Variants in CSMD1 observed in about 807,000 individuals in gnomAD.
CSMD1 encodes the protein CUB and sushi domain-containing protein 1.
Under a neutral mutation model 417.5 loss-of-function variants are expected in CSMD1, and 213 were observed. The observed-to-expected ratio is 0.51, with a 90% CI of 0.46 to 0.57. The LOEUF is 0.57. Among genes scored for constraint, CSMD1 ranks in the 20% least tolerant of loss-of-function variants. CSMD1 has a pLI of 0.00. For synonymous variants in CSMD1, 2,862 were observed against 1,736.8 expected, an observed-to-expected ratio of 1.65 and a Z score of -16.11; for missense variants, 6,923 against 4,529.7, an observed-to-expected ratio of 1.53 and a Z score of -15.17.
At chr8:4,573,740 G>T (rs1222958725) in intron 2 of CSMD1, among the ~76,000 whole-genome samples, 3 of 152,168 alleles carry the variant, frequency 2.0e-5, no homozygotes, top group African/African-American at 7.2e-5. Flanking sequence ...CTTCCCCCAG[G>T]TGCTCTGTCC....
chr8:4,682,848 T>C (rs1806133671), intron 1 of CSMD1, among the ~76,000 whole-genome samples: 2 of 150,906 alleles, frequency 1.3e-5, no homozygotes, highest in African/African-American at 4.8e-5. Flanking sequence ...AATGTTTTTA[T>C]CCAAAGACTA....
intron 2 of CSMD1, among the ~76,000 whole-genome samples, chr8:4,570,533 T>C (rs1295014805): frequency 1.3e-5 from 2 of 152,208 alleles, no homozygotes; most frequent in African/African-American, 4.8e-5. Flanking sequence ...GGATTTGATT[T>C]GCCAGTATTT....
chr8:4,356,948 T>C (rs1378515838), intron 3 of CSMD1, among the ~76,000 whole-genome samples: 2 of 152,214 alleles, frequency 1.3e-5, no homozygotes, highest in African/African-American at 4.8e-5. Context: ...ATGTGAAATA[T>C]AATAGCAACT....
chr8:4,799,489 C>T lies in CSMD1; in HGVS notation c.86-161931G>A, dbSNP rs184844496. Reference sequence around the variant, plus strand: ...TGGTGTGTGCCTGTAGCCCCAGCTACTCTAGAGCCTGGGGCAGGAGAATTG... The same window carrying T: ...TGGTGTGTGCCTGTAGCCCCAGCTATTCTAGAGCCTGGGGCAGGAGAATTG... On this transcript the variant is annotated intron_variant, in intron 1 of 69. Transcript: ENST00000635120. Among the ~76,000 whole-genome samples, 5 of 150,344 alleles carry T rather than the reference C, an allele frequency of 3.3e-5. 1 individual carries two copies. Among genetic ancestry groups the T allele is most frequent in the Admixed American group, 3.3e-4 (5 of 15,080 alleles).
Position 3,187,899 on chromosome 8 carries a change from C to T in CSMD1, c.5590G>A (p.Val1864Met). ...AAGCTTCCCAGTCTGGGTGCGGTCA[C>T]ATCCCCACCATCGTGGATCTCAAGG... ...DSLEIHDGGD[V>M]TAPRLGSFSG... Residue 1864 changes from valine to methionine, a missense_variant, in exon 36 of 70, where the codon GTG becomes ATG. Coordinates refer to ENST00000635120, the MANE Select transcript of CSMD1 (RefSeq NM_033225.6). The T allele has an allele frequency of 6.2e-7, 1 of 1,613,184 alleles. No homozygotes were observed. Among genetic ancestry groups the T allele is most frequent in the South Asian group, 1.1e-5 (1 of 90,888 alleles).
chr8:4,902,528 A>T (rs566483748), intron 1 of CSMD1, among the ~76,000 whole-genome samples: 3 of 152,334 alleles, frequency 2.0e-5, no homozygotes, highest in African/African-American at 7.2e-5. Flanking sequence ...ACTTTACATC[A>T]AATTTTACAT....
chr8:4,144,152 G>C (rs959802085), intron 3 of CSMD1, among the ~76,000 whole-genome samples: 1 of 150,968 alleles, frequency 6.6e-6, no homozygotes, highest in Non-Finnish European at 1.5e-5. Flanking sequence ...TTTCCCTTCT[G>C]ATACAGCTTT....
At chr8:2,997,045 G>A (rs1280471082) in intron 54 of CSMD1, among the ~76,000 whole-genome samples, 2 of 152,194 alleles carry the variant, frequency 1.3e-5, no homozygotes, top group Non-Finnish European at 1.5e-5. Context: ...GGGGCTCGGC[G>A]GAGGCAGGGG....
At chr8:3,448,404 A>G (rs1207126696) in intron 12 of CSMD1, among the ~76,000 whole-genome samples, 3 of 113,536 alleles carry the variant, frequency 2.6e-5, no homozygotes, top group African/African-American at 7.2e-5. Context: ...GAAGGGAAGG[A>G]AGGAAGGAAG....
intron 3 of CSMD1, among the ~76,000 whole-genome samples, chr8:4,247,027 T>C (rs913164796): frequency 6.6e-6 from 1 of 152,200 alleles, no homozygotes; most frequent in Non-Finnish European, 1.5e-5. Flanking sequence ...ATGTGCTAAA[T>C]ATCATTCAAA....
chr8:3,705,655 T>C (rs1054671243), intron 7 of CSMD1, among the ~76,000 whole-genome samples: 2 of 152,246 alleles, frequency 1.3e-5, no homozygotes, highest in East Asian at 3.8e-4. Context: ...GACCCTGAGC[T>C]AGACATTTTC....
At chr8:4,509,875 C>T (rs915597198) in intron 2 of CSMD1, among the ~76,000 whole-genome samples, 1 of 152,090 alleles carries the variant, frequency 6.6e-6, no homozygotes, top group Non-Finnish European at 1.5e-5. Context: ...GACAAGAAGC[C>T]AGCTCCTGTC....
intron 25 of CSMD1, among the ~76,000 whole-genome samples, chr8:3,302,055 G>A (rs995345341): frequency 2.0e-5 from 3 of 152,004 alleles, no homozygotes; most frequent in Non-Finnish European, 4.4e-5. Flanking sequence ...ATTGAGGGAG[G>A]AGAAATAAGC....
At chr8:4,000,569 C>G (rs765759823) in intron 4 of CSMD1, among the ~76,000 whole-genome samples, 5 of 152,216 alleles carry the variant, frequency 3.3e-5, no homozygotes, top group African/African-American at 1.2e-4. Flanking sequence ...GACTCATACT[C>G]TACGTTGTTT....
At chr8:4,257,882 C>G (rs946518143) in intron 3 of CSMD1, among the ~76,000 whole-genome samples, 1 of 152,164 alleles carries the variant, frequency 6.6e-6, no homozygotes, top group South Asian at 2.1e-4. Flanking sequence ...TATTCTGTTG[C>G]CTCTGTTGTG....
rs1808540398 is a variant in CSMD1, at chr8:3,912,673, A to T, written c.818+85230T>A. Among the ~76,000 whole-genome samples the T allele has an allele frequency of 2.0e-5, 3 of 152,186 alleles. No individual in the cohort carries two copies. The South Asian group carries it at 6.2e-4, about 32-fold the overall frequency. On this transcript the variant is annotated intron_variant, in intron 5 of 69. Coordinates refer to ENST00000635120, the MANE Select transcript of CSMD1 (RefSeq NM_033225.6). ...AGTGGAAAAAAGTGGAGCATGTTTG[A>T]TAAACTGAGAAATACATGCAGAATA...
At chr8:4,558,927 T>C (rs1196349808) in intron 2 of CSMD1, among the ~76,000 whole-genome samples, 1 of 12,674 alleles carries the variant, frequency 7.9e-5, no homozygotes, top group Non-Finnish European at 5.2e-3. Flanking sequence ...TTTCAACTGA[T>C]CATGTTTTTT....
chr8:4,773,944 T>G (rs981904722), intron 1 of CSMD1, among the ~76,000 whole-genome samples: 1 of 152,168 alleles, frequency 6.6e-6, no homozygotes, highest in African/African-American at 2.4e-5. Context: ...GCCTGAAATC[T>G]CAGCACTTTT....
chr8:3,634,670 C>T (rs1796944181), intron 7 of CSMD1, among the ~76,000 whole-genome samples: 1 of 152,206 alleles, frequency 6.6e-6, no homozygotes, highest in Non-Finnish European at 1.5e-5. Flanking sequence ...TCAAACTGCA[C>T]ATCCAACAAA....
Sources: gnomAD v4.1 joint callset for allele counts (sites outside exome capture counted in the v4.1 genomes callset) on GRCh38, gnomAD v4.1.1 for gene constraint, MANE v1.5 for transcripts, NCBI Gene and HGNC (gene_info 2026-07-23, HGNC 2026-07-21) for gene names.